UCK2: variants seen among roughly 807,000 people sequenced by gnomAD.
UCK2 encodes the protein cytidine monophosphokinase 2.
In UCK2, 6 loss-of-function variants were observed where a neutral mutation model predicts 30.8. The ratio of observed to expected loss-of-function variants is 0.19; its 90% CI spans 0.11 to 0.38. UCK2 has a LOEUF of 0.38. Among genes scored for constraint, UCK2 ranks in the 10% least tolerant of loss-of-function variants. The probability of loss-of-function intolerance (pLI) is 1.00; values close to 1 mark genes in which losing one functional copy is unlikely to be tolerated. For synonymous variants in UCK2, 125 were observed against 133.6 expected, an observed-to-expected ratio of 0.94 and a Z score of 0.45; for missense variants, 210 against 339.8, an observed-to-expected ratio of 0.62 and a Z score of 3.00.
chr1:165,869,622 C>T (rs143470470), intron 1 of UCK2, among the ~76,000 whole-genome samples: 2 of 149,464 alleles, frequency 1.3e-5, no homozygotes, highest in East Asian at 3.9e-4. Context: ...AAAAAATTGC[C>T]ATCCTAATGG....
At chr1:165,891,927 T>C (rs552670366) in intron 3 of UCK2, among the ~76,000 whole-genome samples, 1 of 151,900 alleles carries the variant, frequency 6.6e-6, no homozygotes, top group South Asian at 2.1e-4. Flanking sequence ...CCTAGAAGAT[T>C]GCACTCCTGC....
At chr1:165,896,669 A>C (rs1039634534) in intron 4 of UCK2, among the ~76,000 whole-genome samples, 1 of 152,254 alleles carries the variant, frequency 6.6e-6, no homozygotes, top group African/African-American at 2.4e-5. Flanking sequence ...ATAAGACATC[A>C]AAATGAAGAT....
intron 1 of UCK2, among the ~76,000 whole-genome samples, chr1:165,830,982 A>C (rs1654032682): frequency 6.6e-6 from 1 of 152,168 alleles, no homozygotes. Context: ...AAAATTATCC[A>C]GGTGCAGTGC....
intron 1 of UCK2, among the ~76,000 whole-genome samples, chr1:165,879,718 A>T (rs979228834): frequency 6.6e-6 from 1 of 151,684 alleles, no homozygotes; most frequent in South Asian, 2.1e-4. Context: ...GGGGCCCTGG[A>T]GATGGTAGTG....
chr1:165,857,995 T>C (rs1350975017), intron 1 of UCK2, among the ~76,000 whole-genome samples: 1 of 152,170 alleles, frequency 6.6e-6, no homozygotes, highest in African/African-American at 2.4e-5. Flanking sequence ...TCATGACATC[T>C]AGAATTAGCA....
chr1:165,887,315 G>T (rs1488361809), intron 1 of UCK2, among the ~76,000 whole-genome samples: 1 of 152,134 alleles, frequency 6.6e-6, no homozygotes, highest in Non-Finnish European at 1.5e-5. Flanking sequence ...TTGATCAAGG[G>T]TTGGGATGAG....
chr1:165,867,971 T>G (rs1036494122), intron 1 of UCK2, among the ~76,000 whole-genome samples: 1 of 152,230 alleles, frequency 6.6e-6, no homozygotes, highest in Non-Finnish European at 1.5e-5. Context: ...ATGTATTTCT[T>G]AAATAATAAC....
chr1:165,848,453 G>A (rs577892492), intron 1 of UCK2, among the ~76,000 whole-genome samples: 2 of 152,258 alleles, frequency 1.3e-5, no homozygotes, highest in South Asian at 2.1e-4. Flanking sequence ...CCAACATGGT[G>A]AAAACCCATC....
chr1:165,904,894 G>GA (rs1351134054), intron 5 of UCK2, among the ~76,000 whole-genome samples: 5 of 152,140 alleles, frequency 3.3e-5, no homozygotes. Context: ...AAAAGAAAAA[G>GA]AAAAAAGAAA....
chr1:165,889,094 C>T (rs968560645), intron 1 of UCK2, among the ~76,000 whole-genome samples: 9 of 152,258 alleles, frequency 5.9e-5, no homozygotes, highest in Admixed American at 2.0e-4. Context: ...TTGGAGTTGG[C>T]TTCTCCACTC....
intron 1 of UCK2, among the ~76,000 whole-genome samples, chr1:165,878,574 A>G (rs1655398082): frequency 6.6e-6 from 1 of 152,070 alleles, no homozygotes; most frequent in African/African-American, 2.4e-5. Flanking sequence ...TTGATCTCCT[A>G]AACTCGTCAT....
chr1:165,883,060 G>A (rs987338848), intron 1 of UCK2, among the ~76,000 whole-genome samples: 6 of 152,130 alleles, frequency 3.9e-5, no homozygotes, highest in East Asian at 1.9e-4. Context: ...TCTTGACCTC[G>A]TGATCTGCCT....
At chr1:165,885,436 T>C in intron 1 of UCK2, 1 of 398,396 alleles carries the variant, frequency 2.5e-6, no homozygotes, top group Non-Finnish European at 4.4e-6. Context: ...TTTTGTTTTT[T>C]CCTTTCTTAA....
At chr1:165,880,492 T>G (rs1027982239) in intron 1 of UCK2, among the ~76,000 whole-genome samples, 1 of 152,134 alleles carries the variant, frequency 6.6e-6, no homozygotes, top group Non-Finnish European at 1.5e-5. Context: ...TGTTTCTGCT[T>G]CTTGGAGAGG....
chr1:165,896,053 C>T, intron 3 of UCK2, 137 bp from the exon 4 acceptor site: 14 of 1,136,986 alleles, frequency 1.2e-5, no homozygotes, highest in Non-Finnish European at 1.8e-5. Context: ...CCATATTAGC[C>T]AAGTCTTTAG....
intron 1 of UCK2, among the ~76,000 whole-genome samples, chr1:165,874,390 G>A (rs1443144867): frequency 2.0e-5 from 3 of 152,190 alleles, no homozygotes; most frequent in Non-Finnish European, 2.9e-5. Flanking sequence ...GGGGACTCAC[G>A]TACAGAGCCG....
At chr1:165,848,662 A>ACC (rs1352165723) in intron 1 of UCK2, among the ~76,000 whole-genome samples, 89 of 147,766 alleles carry the variant, frequency 6.0e-4, no homozygotes, top group South Asian at 1.3e-3. Flanking sequence ...ACACACACCC[A>ACC]CACACACACA....
chr1:165,843,368 C>T (rs147419912), intron 1 of UCK2, among the ~76,000 whole-genome samples: 1 of 152,226 alleles, frequency 6.6e-6, no homozygotes, highest in Non-Finnish European at 1.5e-5. Flanking sequence ...TTTAAATGAA[C>T]CCTACATTTA....
At chr1:165,838,034 T>G (rs572789765) in intron 1 of UCK2, among the ~76,000 whole-genome samples, 1 of 152,370 alleles carries the variant, frequency 6.6e-6, no homozygotes. Context: ...ACTGTAGTCT[T>G]CAAACATGTT....
Sources: allele counts gnomAD v4.1 joint callset (sites outside exome capture counted in the v4.1 genomes callset), GRCh38; gene constraint gnomAD v4.1.1; transcripts MANE v1.5; gene names NCBI Gene and HGNC (gene_info 2026-07-23, HGNC 2026-07-21).